HDGFL2: variants seen among roughly 807,000 people sequenced by gnomAD.
HDGFL2 encodes HDGF like 2.
Under a neutral mutation model 77.1 loss-of-function variants are expected in HDGFL2, and 36 were observed. That is an observed-to-expected ratio of 0.47 (90% CI 0.36 to 0.62). The LOEUF (loss-of-function observed/expected upper bound fraction) is 0.62, where lower values mean the gene tolerates loss of function less well. HDGFL2 is among the 20% of genes least tolerant of loss of function. HDGFL2 has a pLI of 0.00. For missense variants in HDGFL2, 976 were observed against 973.4 expected, an observed-to-expected ratio of 1.00 and a Z score of -0.04; for synonymous variants, 463 against 413.1, an observed-to-expected ratio of 1.12 and a Z score of -1.46.
intron 4 of HDGFL2, among the ~76,000 whole-genome samples, chr19:4,489,799 C>T (rs1430680755): frequency 1.3e-5 from 2 of 152,200 alleles, no homozygotes; most frequent in African/African-American, 4.8e-5. Flanking sequence ...TGAATATACA[C>T]CTCAGTGGTT....
chr19:4,490,014 G>A (rs530332056), intron 4 of HDGFL2, among the ~76,000 whole-genome samples: 5 of 152,308 alleles, frequency 3.3e-5, no homozygotes, highest in Non-Finnish European at 4.4e-5. Flanking sequence ...TAGCCTTTGT[G>A]TCCGCCTTCC....
chr19:4,488,414 G>GA, intron 3 of HDGFL2, among the ~76,000 whole-genome samples: 1 of 150,466 alleles, frequency 6.6e-6, no homozygotes, highest in Middle Eastern at 3.4e-3. Context: ...CTGAAGCACA[G>GA]AGGGTTGAAG....
Position 4,501,891 on chromosome 19 carries a change from G to A in HDGFL2, c.1917-20G>A, listed in dbSNP as rs978781728. On this transcript the variant is annotated intron_variant, in intron 15 of 15. Transcript: ENST00000616600. Reference sequence around the variant, plus strand: ...AGGGGCGGGAGGGCATCCTCACACCGCCTTTGCTGTTCCCACCAGCAGCGT... The same window carrying A: ...AGGGGCGGGAGGGCATCCTCACACCACCTTTGCTGTTCCCACCAGCAGCGT... 8.4e-6 allele frequency: 12 copies of A among 1,429,106 alleles called. No individual in the cohort carries two copies. Among genetic ancestry groups the A allele is most frequent in the South Asian group, 7.7e-5 (5 of 64,920 alleles). The allele number at this position is 1,429,106 out of a possible 1,614,324, so 88.5% of individuals were successfully genotyped here.
At chr19:4,476,254 C>T (rs1280155532) in intron 3 of HDGFL2, among the ~76,000 whole-genome samples, 2 of 134,740 alleles carry the variant, frequency 1.5e-5, no homozygotes, top group Non-Finnish European at 1.5e-5. Context: ...AGTGCAATGG[C>T]GTGATCTCAG....
intron 4 of HDGFL2, 54 bp downstream of exon 4, chr19:4,488,930 C>G: frequency 7.7e-7 from 1 of 1,305,614 alleles, no homozygotes; most frequent in Non-Finnish European, 1.1e-6. Context: ...TGATGTCTCG[C>G]CTGGCAGCTT....
chr19:4,498,395 G>A lies in HDGFL2; in HGVS notation c.1473+19G>A. On this transcript the variant is annotated intron_variant, in intron 12 of 15. Transcript: ENST00000616600. ...CAGCCCGGTAAGACCCTCAGGGCCT[G>A]TGAGCCAAGCAGTCCCCGCTGCCAC... 1 of 1,601,352 alleles carries A rather than the reference G, an allele frequency of 6.2e-7. No homozygotes were observed. The highest frequency in any genetic ancestry group is 1.1e-5 in the South Asian group (1 of 90,704).
intron 3 of HDGFL2, among the ~76,000 whole-genome samples, chr19:4,488,292 C>G (rs1321653283): frequency 6.6e-6 from 1 of 152,200 alleles, no homozygotes; most frequent in Middle Eastern, 3.2e-3. Context: ...TTCTGGACCT[C>G]TTGACATGGT....
chr19:4,499,482 G>T lies in HDGFL2; in HGVS notation c.1576-9G>T. On this transcript the variant is annotated splice_polypyrimidine_tract_variant and intron_variant, in intron 13 of 15. Coordinates refer to ENST00000616600, the MANE Select transcript of HDGFL2 (RefSeq NM_001001520.3). The stretch of plus-strand genomic sequence containing the variant: ...TTGGGTGAGCCAGGCCTCTTCTCTT[G>T]GTGGCCAGATTCGCCGTTACAAAGC... 1 of 1,611,270 alleles carries T rather than the reference G, an allele frequency of 6.2e-7. No homozygotes were observed.
At chr19:4,501,575 T>A in intron 15 of HDGFL2, 1 of 485,894 alleles carries the variant, frequency 2.1e-6, no homozygotes, top group Admixed American at 3.8e-5. Flanking sequence ...TTGCCGAGCC[T>A]CCAGGGTGGC....
intron 1 of HDGFL2, 41 bp downstream of exon 1, chr19:4,472,463 G>GGGGT (rs1555684394): frequency 2.4e-5 from 7 of 287,150 alleles, no homozygotes; most frequent in African/African-American, 7.6e-5. Flanking sequence ...GGGGGGGGGG[G>GGGGT]GGGGCAGCGG....
intron 6 of HDGFL2, 37 bp from the exon 7 acceptor site, chr19:4,493,666 G>T (rs746710442): frequency 1.4e-6 from 2 of 1,407,824 alleles, no homozygotes; most frequent in Non-Finnish European, 1.9e-6. Flanking sequence ...TCACGGTGGG[G>T]CTCCTGATGC....
chr19:4,481,997 G>T (rs8109595), intron 3 of HDGFL2, among the ~76,000 whole-genome samples: 5 of 146,570 alleles, frequency 3.4e-5, no homozygotes, highest in African/African-American at 7.6e-5. Flanking sequence ...ACTCTCAGCC[G>T]GGGGGACTGG....
At chr19:4,473,430 AC>A (rs1454907634) in intron 1 of HDGFL2, among the ~76,000 whole-genome samples, 3 of 151,232 alleles carry the variant, frequency 2.0e-5, no homozygotes, top group Non-Finnish European at 4.4e-5. Flanking sequence ...AGGGTCTGGG[AC>A]CTGAGGGACC....
intron 3 of HDGFL2, 94 bp downstream of exon 3, chr19:4,475,677 A>AT: frequency 7.1e-7 from 1 of 1,409,064 alleles, no homozygotes; most frequent in Non-Finnish European, 9.4e-7. Context: ...CTGTGGACAC[A>AT]TGGGGCTCGA....
In HDGFL2 at chr19:4,485,584, C is replaced by CA. The variant is rs911959191; in HGVS notation, c.289-3084dup. On this transcript the variant is annotated intron_variant, in intron 3 of 15. Coordinates refer to ENST00000616600, the MANE Select transcript of HDGFL2 (RefSeq NM_001001520.3). Reference sequence around the variant, plus strand: ...AAACCACGTCTCAACTAAAAAAATACAAAAAAAATTAGCCAGGCGTGGTGG... The same window carrying CA: ...AAACCACGTCTCAACTAAAAAAATACAAAAAAAAATTAGCCAGGCGTGGTGG... 2.7e-5 allele frequency among the ~76,000 whole-genome samples: 4 copies of CA among 150,406 alleles called. No individual in the cohort carries two copies. The East Asian group carries it at 5.9e-4, about 22-fold the overall frequency.
At position 4,493,713 on chromosome 19, in the gene HDGFL2, C is replaced by T. The variant is rs978260856; in HGVS notation, c.689C>T (p.Ser230Leu). 4.8e-6 allele frequency: 7 copies of T among 1,469,584 alleles called. No individual in the cohort carries two copies. The highest frequency in any genetic ancestry group is 6.3e-6 in the Non-Finnish European group (7 of 1,105,268). 91.0% of individuals were successfully genotyped at this position (1,469,584 alleles called of 1,614,324 possible). A position where few individuals can be genotyped will look rare whatever the true frequency, so the allele number is the denominator to read the frequency against. ...CCTGCTTCTCCCCAGAAGGCGCCAT[C>T]AGCCTCCGACTCCGACTCCAAGGCC... ...LGGRKKKKAP[S>L]ASDSDSKADS... Residue 230 changes from serine to leucine, a missense_variant, in exon 7 of 16, where the codon TCA becomes TTA. Physicochemically the swap from Ser to Leu is moderately radical, Grantham distance 145. Transcript: ENST00000616600.
At chr19:4,474,386 C>T (rs1267056606) in intron 1 of HDGFL2, among the ~76,000 whole-genome samples, 1 of 152,134 alleles carries the variant, frequency 6.6e-6, no homozygotes, top group Non-Finnish European at 1.5e-5. Context: ...TAGGATGCTT[C>T]TGGCGGGAGA....
chr19:4,475,196 C>A, intron 1 of HDGFL2, 79 bp from the exon 2 acceptor site: 1 of 1,296,726 alleles, frequency 7.7e-7, no homozygotes, highest in Non-Finnish European at 1.1e-6. Context: ...CGTGATTTGC[C>A]CCAAGTAACT....
chr19:4,472,506 C>A (rs189053880), intron 1 of HDGFL2, 84 bp downstream of exon 1: 47,580 of 534,766 alleles, frequency 0.089, 6,152 homozygotes, highest in African/African-American at 0.39. Flanking sequence ...ACTGGAGGGC[C>A]GGGGTTGTCC....
Sources: allele counts gnomAD v4.1 joint callset (sites outside exome capture counted in the v4.1 genomes callset), GRCh38; gene constraint gnomAD v4.1.1; transcripts MANE v1.5; gene names NCBI Gene and HGNC (gene_info 2026-07-23, HGNC 2026-07-21).